The following DCSTAMP variants were observed in gnomAD, a reference collection of about 807,000 sequenced individuals.
DCSTAMP encodes dendritic cell-specific transmembrane protein.
DCSTAMP carries 25 observed loss-of-function variants against 33.8 expected under a neutral mutation model. That is an observed-to-expected ratio of 0.74 (90% CI 0.54 to 1.03). The LOEUF is 1.03. Ranked by LOEUF, DCSTAMP falls within the 50% of genes least tolerant of loss-of-function variation. The pLI, the probability that DCSTAMP is intolerant of heterozygous loss-of-function variation, is 0.00. For missense variants in DCSTAMP, 531 were observed against 556.8 expected (o/e 0.95, Z 0.47); for synonymous variants, 245 against 216.7 (o/e 1.13, Z -1.15).
chr8:104,348,053 C>T (rs181921862), intron 1 of DCSTAMP, among the ~76,000 whole-genome samples: 24 of 152,274 alleles, frequency 1.6e-4, no homozygotes, highest in Admixed American at 3.3e-4. Context: ...GCCTCTAAAG[C>T]TGAAAGAGGC....
chr8:104,346,606 C>T (rs994802741), intron 1 of DCSTAMP, among the ~76,000 whole-genome samples: 11 of 152,340 alleles, frequency 7.2e-5, no homozygotes, highest in African/African-American at 2.6e-4. Flanking sequence ...TATGTGGGAT[C>T]TGGACTCTGC....
At chr8:104,344,841 C>A (rs1217850610) in intron 1 of DCSTAMP, among the ~76,000 whole-genome samples, 4 of 152,192 alleles carry the variant, frequency 2.6e-5, no homozygotes, top group Non-Finnish European at 2.9e-5. Context: ...AATGGCTGCA[C>A]CTCCACAGGA....
At position 104,349,427 on chromosome 8, in the gene DCSTAMP, A is replaced by G; in HGVS notation, c.875A>G (p.Asn292Ser). 6.2e-7 allele frequency: 1 copy of G among 1,613,948 alleles called. No individual in the cohort carries two copies. ...TGGCCGACTCCTAAAGAAAGGAAAAACCTGGGGCTGTTTTTCCTCCCCATA... is the reference window on the plus strand; with the variant it reads ...TGGCCGACTCCTAAAGAAAGGAAAAGCCTGGGGCTGTTTTTCCTCCCCATA... ...TFWPTPKERK[N>S]LGLFFLPILI... The change falls in exon 2 of 4, where the codon AAC becomes AGC. Residue 292 changes from asparagine (N) to serine (S), a missense_variant. Physicochemically the swap from Asn to Ser is conservative, Grantham distance 46. Coordinates refer to ENST00000297581, the MANE Select transcript of DCSTAMP (RefSeq NM_030788.4).
Position 104,354,927 on chromosome 8 carries a change from G to A in DCSTAMP, c.1080G>A (p.Val360=), listed in dbSNP as rs757539022. 1 of 1,610,988 alleles carries A rather than the reference G, an allele frequency of 6.2e-7. No homozygotes were observed. Among genetic ancestry groups the A allele is most frequent in the Non-Finnish European group, 8.5e-7 (1 of 1,177,212 alleles). ...IIHDSSFNIS[V]FEPNCIPKPK... Reference sequence around the variant, plus strand: ...ATGATTCTTCCTTTAATATATCTGTGTTTGAACCCAACTGTATCCCAAAAC... The same window carrying A: ...ATGATTCTTCCTTTAATATATCTGTATTTGAACCCAACTGTATCCCAAAAC... Residue 360 remains valine, a synonymous_variant, in exon 3 of 4, where the codon GTG becomes GTA. Coordinates refer to ENST00000297581, the MANE Select transcript of DCSTAMP (RefSeq NM_030788.4).
At chr8:104,351,554 T>TAGCACTCA (rs1810464046) in intron 2 of DCSTAMP, among the ~76,000 whole-genome samples, 1 of 152,174 alleles carries the variant, frequency 6.6e-6, no homozygotes, top group Non-Finnish European at 1.5e-5. Flanking sequence ...TGGCCCAGAG[T>TAGCACTCA]AGCACTCATG....
At position 104,348,796 on chromosome 8, in the gene DCSTAMP, A is replaced by T; in HGVS notation, c.244A>T (p.Ile82Phe). The T allele has an allele frequency of 1.2e-6, 2 of 1,614,100 alleles. No homozygotes were observed. Among genetic ancestry groups the T allele is most frequent in the South Asian group, 1.1e-5 (1 of 91,076 alleles). Residue 82 changes from isoleucine (I) to phenylalanine (F), a missense_variant, in exon 2 of 4, where the codon ATT (isoleucine) becomes TTT (phenylalanine). Ile to Phe is a conservative substitution (Grantham distance 21). Coordinates refer to ENST00000297581, the MANE Select transcript of DCSTAMP (RefSeq NM_030788.4). Reference sequence around the variant, plus strand: ...TTGCTCCAAGCATGCACGATGTTTTATTCTTCTTGTCTTTCTCTCTTGTGG... The same window carrying T: ...TTGCTCCAAGCATGCACGATGTTTTTTTCTTCTTGTCTTTCTCTCTTGTGG... Reference protein sequence around the residue: ...LCCSKHARCFILLVFLSCGLR... With the variant: ...LCCSKHARCFFLLVFLSCGLR...
intron 1 of DCSTAMP, among the ~76,000 whole-genome samples, chr8:104,344,421 G>C (rs144851818): frequency 6.6e-6 from 1 of 152,118 alleles, no homozygotes; most frequent in Admixed American, 6.5e-5. Context: ...AAGTGCTCAT[G>C]TGGCCAGTGC....
intron 1 of DCSTAMP, 100 bp downstream of exon 1, chr8:104,339,962 C>G (rs1273660702): frequency 1.3e-5 from 2 of 152,152 alleles, no homozygotes; most frequent in Non-Finnish European, 2.9e-5. Flanking sequence ...CTTTAAGGCC[C>G]CCTATACCCC....
rs547681147 is a variant in DCSTAMP at position 104,355,987 on chromosome 8, A to G, written c.1339-137A>G. 1.4e-5 allele frequency: 10 copies of G among 709,638 alleles called. No homozygotes were observed. The African/African-American group carries it at 1.4e-4, about 10-fold the overall frequency. The allele number at this position is 709,638 out of a possible 1,614,324, so 44.0% of individuals were successfully genotyped here. On this transcript the variant is annotated intron_variant, in intron 3 of 3. Coordinates refer to ENST00000297581, the MANE Select transcript of DCSTAMP (RefSeq NM_030788.4). ...AGACAATGGAAGACCAACATAACCC[A>G]CAAAAATAAGCTTGTCTATTTCAGT...
At chr8:104,347,133 G>A in intron 1 of DCSTAMP, among the ~76,000 whole-genome samples, 1 of 152,214 alleles carries the variant, frequency 6.6e-6, no homozygotes, top group East Asian at 1.9e-4. Context: ...CTCTCTGAGA[G>A]CATCACAGAC....
chr8:104,355,230 A>T (rs758594966), intron 3 of DCSTAMP, 45 bp downstream of exon 3: 1 of 1,559,994 alleles, frequency 6.4e-7, no homozygotes, highest in Admixed American at 2.0e-5. Flanking sequence ...GGAAGTGTTG[A>T]GTTTGGAGGG....
intron 1 of DCSTAMP, among the ~76,000 whole-genome samples, 170 bp downstream of exon 1, chr8:104,340,032 C>T (rs2099382479): frequency 6.6e-6 from 1 of 152,158 alleles, no homozygotes; most frequent in Admixed American, 6.5e-5. Flanking sequence ...TCTGAATATC[C>T]TCTGCTCAGG....
At chr8:104,347,723 G>A (rs1050174579) in intron 1 of DCSTAMP, among the ~76,000 whole-genome samples, 6 of 152,176 alleles carry the variant, frequency 3.9e-5, no homozygotes, top group Admixed American at 1.3e-4. Context: ...GCCTGGTCAG[G>A]TGCCTTTTGT....
chr8:104,345,923 A>T (rs978855378), intron 1 of DCSTAMP, among the ~76,000 whole-genome samples: 1 of 152,236 alleles, frequency 6.6e-6, no homozygotes, highest in Non-Finnish European at 1.5e-5. Context: ...GTCAGCTCTT[A>T]ACAGCCACTG....
chr8:104,342,283 A>G (rs1028661697), intron 1 of DCSTAMP, among the ~76,000 whole-genome samples: 2 of 152,142 alleles, frequency 1.3e-5, no homozygotes, highest in African/African-American at 4.8e-5. Flanking sequence ...GAGAGAAGAG[A>G]GCCATGTGAA....
At position 104,349,083 on chromosome 8, in the gene DCSTAMP, T is replaced by C. The variant is rs1588373903; in HGVS notation, c.531T>C (p.Ser177=). The change falls in exon 2 of 4, where the codon AGT becomes AGC. Residue 177 remains serine (S), a synonymous_variant. Coordinates refer to ENST00000297581, the MANE Select transcript of DCSTAMP (RefSeq NM_030788.4). ...AGACCCTGGCAGTCTCTCTTTTCAGTCCCAGCCATGTCCTGGAGGCACAGC... is the reference window on the plus strand; with the variant it reads ...AGACCCTGGCAGTCTCTCTTTTCAGCCCCAGCCATGTCCTGGAGGCACAGC... ...WNQTLAVSLF[S]PSHVLEAQLN... 1 of 1,614,134 alleles carries C rather than the reference T, an allele frequency of 6.2e-7. No individual in the cohort carries two copies. Among genetic ancestry groups the C allele is most frequent in the Non-Finnish European group, 8.5e-7 (1 of 1,180,042 alleles).
At chr8:104,354,057 T>C (rs1810542907) in intron 2 of DCSTAMP, among the ~76,000 whole-genome samples, 1 of 152,278 alleles carries the variant, frequency 6.6e-6, no homozygotes, top group African/African-American at 2.4e-5. Flanking sequence ...CTCAATGTCA[T>C]CTCCTGCCCT....
chr8:104,353,040 TA>T (rs1810508606), intron 2 of DCSTAMP, among the ~76,000 whole-genome samples: 3 of 152,338 alleles, frequency 2.0e-5, no homozygotes, highest in Middle Eastern at 3.4e-3. Flanking sequence ...AATATGATTT[TA>T]ATTATGTGTT....
chr8:104,342,181 A>G (rs2099383009), intron 1 of DCSTAMP, among the ~76,000 whole-genome samples: 1 of 152,176 alleles, frequency 6.6e-6, no homozygotes, highest in African/African-American at 2.4e-5. Flanking sequence ...TGGTTTAAGC[A>G]TGGCTTTTAA....
Sources: allele counts gnomAD v4.1 joint callset (sites outside exome capture counted in the v4.1 genomes callset), GRCh38; gene constraint gnomAD v4.1.1; transcripts MANE v1.5; gene names NCBI Gene and HGNC (gene_info 2026-07-23, HGNC 2026-07-21).